ZNF30: variants seen among roughly 807,000 people sequenced by gnomAD.
The protein encoded by ZNF30 is zinc finger protein 30 (KOX 28).
Under a neutral mutation model 13.2 loss-of-function variants are expected in ZNF30, and 15 were observed. The ratio of observed to expected loss-of-function variants is 1.13; its 90% CI spans 0.76 to 1.75. ZNF30 has a LOEUF of 1.75. Among genes scored for constraint, ZNF30 ranks in the 40% most tolerant of loss-of-function variants. The probability of loss-of-function intolerance (pLI) is 0.00; values close to 1 mark genes in which losing one functional copy is unlikely to be tolerated. For missense variants in ZNF30, 726 were observed against 757.0 expected (o/e 0.96, Z 0.48); for synonymous variants, 223 against 256.6 (o/e 0.87, Z 1.25).
chr19:34,937,664 T>C (rs1465240082), intron 4 of ZNF30, among the ~76,000 whole-genome samples: 1 of 151,372 alleles, frequency 6.6e-6, no homozygotes, highest in Non-Finnish European at 1.5e-5. Context: ...AACCTAGGAG[T>C]TCGAGGCTGC....
upstream of ZNF30, among the ~76,000 whole-genome samples, chr19:34,926,278 T>C (rs1001337272): frequency 6.6e-6 from 1 of 152,116 alleles, no homozygotes; most frequent in Non-Finnish European, 1.5e-5. Context: ...AAAAGAAGAA[T>C]GCCATAAAGG....
At chr19:34,935,430 C>A (rs1011868388) in intron 4 of ZNF30, among the ~76,000 whole-genome samples, 1 of 152,102 alleles carries the variant, frequency 6.6e-6, no homozygotes, top group African/African-American at 2.4e-5. Flanking sequence ...TGATTAATCA[C>A]CTCTAGCCAC....
intron 4 of ZNF30, among the ~76,000 whole-genome samples, chr19:34,942,277 T>A (rs1384605580): frequency 6.6e-6 from 1 of 151,924 alleles, no homozygotes; most frequent in Non-Finnish European, 1.5e-5. Flanking sequence ...ACCCCATCTC[T>A]ATAAAAATTA....
intron 1 of ZNF30, among the ~76,000 whole-genome samples, chr19:34,928,246 TATATATATAGATAGATAG>T (rs2012221096): frequency 1.9e-5 from 1 of 54,028 alleles, no homozygotes; most frequent in South Asian, 6.9e-4. Flanking sequence ...TATATATATA[TATATATATAGATAGATAG>T]ATAGATAGAT....
upstream of ZNF30, among the ~76,000 whole-genome samples, chr19:34,924,617 G>A (rs138260431): frequency 6.6e-6 from 1 of 152,322 alleles, no homozygotes; most frequent in East Asian, 1.9e-4. Context: ...AGTGATCAGT[G>A]ACCACAGCCA....
At chr19:34,931,202 T>C (rs2012434306) in intron 2 of ZNF30, among the ~76,000 whole-genome samples, 2 of 152,096 alleles carry the variant, frequency 1.3e-5, no homozygotes, top group Admixed American at 6.6e-5. Flanking sequence ...AACGCCCAGC[T>C]AATTTTTGTA....
At chr19:34,939,138 TCCCCTCCC>T (rs2012897732) in intron 4 of ZNF30, among the ~76,000 whole-genome samples, 3 of 29,884 alleles carry the variant, frequency 1.0e-4, no homozygotes, top group South Asian at 2.0e-3. Flanking sequence ...TCCCCTCCCC[TCCCCTCCC>T]CTCCCCTCCC....
At chr19:34,928,198 A>G (rs2012182592) in intron 1 of ZNF30, among the ~76,000 whole-genome samples, 1 of 132,258 alleles carries the variant, frequency 7.6e-6, no homozygotes, top group African/African-American at 2.9e-5. Context: ...ACAGAGCGAG[A>G]TCCCTTCTCT....
At position 34,943,491 on chromosome 19, in the gene ZNF30, C is replaced by T; in HGVS notation, c.525C>T (p.Pro175=). The T allele has an allele frequency of 6.2e-7, 1 of 1,613,768 alleles. No homozygotes were observed. Among genetic ancestry groups the T allele is most frequent in the Non-Finnish European group, 8.5e-7 (1 of 1,179,804 alleles). The change falls in exon 5 of 5, where the codon CCC becomes CCT. Residue 175 remains proline, a synonymous_variant. Transcript: ENST00000601142. ...AGAGATTGCATGTTGGTGAGAAACCCTATAAATATGAAAAATGTGGGAAGG... is the reference window on the plus strand; with the variant it reads ...AGAGATTGCATGTTGGTGAGAAACCTTATAAATATGAAAAATGTGGGAAGG... ...IHQRLHVGEK[P]YKYEKCGKAF... is the part of the protein sequence containing the mutation.
chr19:34,926,958 C>G lies in ZNF30; in HGVS notation c.-323C>G, dbSNP rs2012104118. On this transcript the variant is annotated 5_prime_UTR_variant, in exon 1 of 5. Transcript: ENST00000601142. ...TGTGACGGCTCAGGACTGCATTTCC[C>G]AGAGGCTGCAGCTATCCGGCCAATG... is the stretch of plus-strand genomic sequence containing the variant. 5 of 398,462 alleles carry G rather than the reference C, an allele frequency of 1.3e-5. No individual in the cohort carries two copies. Among genetic ancestry groups the G allele is most frequent in the Admixed American group, 4.4e-5 (1 of 22,716 alleles). The allele number at this position is 398,462 out of a possible 1,614,324, so 24.7% of individuals were successfully genotyped here.
chr19:34,935,700 G>GTTTTTTTTTTTTTTTTTTTTTTAT (rs2012694806), intron 4 of ZNF30, among the ~76,000 whole-genome samples: 1 of 84,222 alleles, frequency 1.2e-5, no homozygotes, highest in African/African-American at 5.2e-5. Context: ...GTTGTCTATA[G>GTTTTTTTTTTTTTTTTTTTTTTAT]TTTTTTTTTT....
At position 34,944,515 on chromosome 19, in the gene ZNF30, T is replaced by C. The variant is rs2013233963; in HGVS notation, c.1549T>C (p.Cys517Arg). 6.2e-7 allele frequency: 1 copy of C among 1,613,780 alleles called. No individual in the cohort carries two copies. Among genetic ancestry groups the C allele is most frequent in the African/African-American group, 1.3e-5 (1 of 74,798 alleles). The change falls in exon 5 of 5, where the codon TGT becomes CGT. Residue 517 changes from cysteine to arginine, a missense_variant. Physicochemically the swap from Cys to Arg is radical, Grantham distance 180. Coordinates refer to ENST00000601142, the MANE Select transcript of ZNF30 (RefSeq NM_194325.3). ...TAAGAAGCCCTATGAGTGTAAGGAG[T>C]GTGGCAAGGCCTTCAGTTCTGGCTC... is the stretch of plus-strand genomic sequence containing the variant. ...TGKKPYECKE[C>R]GKAFSSGSYL...
At chr19:34,935,287 A>T (rs1393079796) in intron 4 of ZNF30, among the ~76,000 whole-genome samples, 1 of 152,210 alleles carries the variant, frequency 6.6e-6, no homozygotes, top group East Asian at 1.9e-4. Context: ...GCTTACAAAA[A>T]AGTTGGAAAG....
In ZNF30 at chr19:34,932,329, G is replaced by C. The variant is rs528947744; in HGVS notation, c.160+336G>C. On this transcript the variant is annotated intron_variant, in intron 3 of 4. Transcript: ENST00000601142. ...AGACCTATACAACTTATATGCCGGC[G>C]GATTGGATAAACAAATCATTTAAAA... 2.0e-5 allele frequency among the ~76,000 whole-genome samples: 3 copies of C among 151,946 alleles called. No homozygotes were observed. The East Asian group carries it at 5.8e-4, about 29-fold the overall frequency.
At chr19:34,926,158 A>G (rs1426973834), upstream of ZNF30, among the ~76,000 whole-genome samples, 2 of 152,300 alleles carry the variant, frequency 1.3e-5, no homozygotes, top group Non-Finnish European at 2.9e-5. Context: ...TGAGCGACAG[A>G]GGGAGACCCT....
At chr19:34,928,220 A>AAATATATATATATATAT (rs1555778254) in intron 1 of ZNF30, among the ~76,000 whole-genome samples, 27 of 73,358 alleles carry the variant, frequency 3.7e-4, no homozygotes, top group Non-Finnish European at 5.4e-4. Context: ...AAAAAAAAAA[A>AAATATATATATATATAT]ATATATATAT....
At chr19:34,937,309 G>A (rs1029580530) in intron 4 of ZNF30, among the ~76,000 whole-genome samples, 9 of 152,048 alleles carry the variant, frequency 5.9e-5, no homozygotes, top group South Asian at 2.1e-4. Flanking sequence ...TACTGCACCC[G>A]GCCAGTAGTG....
intron 4 of ZNF30, among the ~76,000 whole-genome samples, chr19:34,935,102 G>C (rs1000806813): frequency 6.6e-6 from 1 of 151,890 alleles, no homozygotes; most frequent in Non-Finnish European, 1.5e-5. Flanking sequence ...GTGGTGGCGG[G>C]CGCCTGTGGT....
intron 4 of ZNF30, among the ~76,000 whole-genome samples, chr19:34,939,165 CTCCG>C (rs1249628600): frequency 1.3e-5 from 1 of 79,134 alleles, no homozygotes; most frequent in Non-Finnish European, 2.5e-5. Context: ...CCTCCCCTCC[CTCCG>C]CTCCCCTCCC....
Sources: allele counts gnomAD v4.1 joint callset (sites outside exome capture counted in the v4.1 genomes callset), GRCh38; gene constraint gnomAD v4.1.1; transcripts MANE v1.5; gene names NCBI Gene and HGNC (gene_info 2026-07-23, HGNC 2026-07-21).